PTPN9: variants seen among roughly 807,000 people sequenced by gnomAD.
PTPN9 encodes the protein tyrosine-protein phosphatase non-receptor type 9.
Under a neutral mutation model 69.8 loss-of-function variants are expected in PTPN9, and 26 were observed. The ratio of observed to expected loss-of-function variants is 0.37; its 90% CI spans 0.27 to 0.52. PTPN9 has a LOEUF of 0.52. PTPN9 is among the 20% of genes least tolerant of loss of function. The pLI, the probability that PTPN9 is intolerant of heterozygous loss-of-function variation, is 0.91. For synonymous variants in PTPN9, 274 were observed against 272.5 expected (o/e 1.01, Z -0.05); for missense variants, 549 against 740.3 (o/e 0.74, Z 3.00).
In PTPN9 at chr15:75,561,568, TAA is replaced by T. The variant is rs755796049; in HGVS notation, c.63+17144_63+17145del. On this transcript the variant is annotated intron_variant, in intron 1 of 12. Transcript: ENST00000618819. Reference sequence around the variant, plus strand: ...CTTGAGAGATTAAACTGTATATATATAAGACTGTGGCTCCAGCTGGAGTGCAG... The same window carrying T: ...CTTGAGAGATTAAACTGTATATATATGACTGTGGCTCCAGCTGGAGTGCAG... Among the ~76,000 whole-genome samples the T allele has an allele frequency of 4.6e-5, 7 of 152,240 alleles. No individual in the cohort carries two copies. In the East Asian group the frequency reaches 1.2e-3, roughly 25 times the overall value.
chr15:75,506,151 A>G lies in PTPN9; in HGVS notation c.640-148T>C, dbSNP rs1359458875. On this transcript the variant is annotated intron_variant, in intron 6 of 12. Coordinates refer to ENST00000618819, the MANE Select transcript of PTPN9 (RefSeq NM_002833.4). Reference sequence around the variant, plus strand: ...TATACTTGTAAAAGTAGTAGACTACATTTCATCTGCCTGAGATTTAAGTCC... The same window carrying G: ...TATACTTGTAAAAGTAGTAGACTACGTTTCATCTGCCTGAGATTTAAGTCC... 7.5e-6 allele frequency: 5 copies of G among 663,414 alleles called. No homozygotes were observed. In the East Asian group the frequency reaches 1.4e-4, roughly 18 times the overall value. 41.1% of individuals were successfully genotyped at this position (663,414 alleles called of 1,614,324 possible). A position where few individuals can be genotyped will look rare whatever the true frequency, so the allele number is the denominator to read the frequency against.
chr15:75,546,895 G>A (rs186729320), intron 1 of PTPN9, among the ~76,000 whole-genome samples: 219 of 152,156 alleles, frequency 1.4e-3, no homozygotes, highest in South Asian at 2.3e-3. Flanking sequence ...ACTAAGTGTT[G>A]TCAACAGGAG....
chr15:75,576,795 G>A (rs567669904), intron 1 of PTPN9, among the ~76,000 whole-genome samples: 2 of 151,904 alleles, frequency 1.3e-5, no homozygotes, highest in Non-Finnish European at 2.9e-5. Flanking sequence ...ATGACAGGGC[G>A]AGGCTCTGTC....
intron 1 of PTPN9, among the ~76,000 whole-genome samples, chr15:75,530,781 TATA>T (rs1471480916): frequency 1.1e-5 from 1 of 87,490 alleles, no homozygotes; most frequent in African/African-American, 4.7e-5. Flanking sequence ...ATTATTATAA[TATA>T]ATATATAATA....
intron 1 of PTPN9, among the ~76,000 whole-genome samples, chr15:75,545,038 A>T (rs756718604): frequency 2.6e-4 from 39 of 152,316 alleles, no homozygotes; most frequent in Non-Finnish European, 4.9e-4. Context: ...ACCAAACAGT[A>T]TTATAAAGCA....
At chr15:75,477,908 G>A (rs144390677) in intron 9 of PTPN9, among the ~76,000 whole-genome samples, 29 of 140,428 alleles carry the variant, frequency 2.1e-4, no homozygotes, top group Non-Finnish European at 3.5e-4. Flanking sequence ...TGGCGCAGTC[G>A]CAGTCCACTG....
At chr15:75,499,363 T>A (rs1482178962) in intron 7 of PTPN9, among the ~76,000 whole-genome samples, 3 of 150,800 alleles carry the variant, frequency 2.0e-5, no homozygotes, top group Non-Finnish European at 4.4e-5. Flanking sequence ...AAATGGTAGC[T>A]GGTTTGGATG....
Position 75,527,101 on chromosome 15 carries a change from A to G in PTPN9, c.207+17T>C. On this transcript the variant is annotated intron_variant, in intron 2 of 12. Transcript: ENST00000618819. ...AACCCAACTGCCACAGGTCTGGTCT[A>G]CCCCTGAGCCACATACTCTGTAGGA... The G allele has an allele frequency of 6.2e-7, 1 of 1,614,024 alleles. No homozygotes were observed. The highest frequency in any genetic ancestry group is 8.5e-7 in the Non-Finnish European group (1 of 1,179,984).
chr15:75,475,083 T>C (rs1389684840), intron 9 of PTPN9, among the ~76,000 whole-genome samples: 1 of 152,206 alleles, frequency 6.6e-6, no homozygotes, highest in Non-Finnish European at 1.5e-5. Flanking sequence ...AGGTTGACCA[T>C]TTAATTTATA....
chr15:75,516,084 T>C (rs2074868067), intron 5 of PTPN9, among the ~76,000 whole-genome samples: 1 of 152,044 alleles, frequency 6.6e-6, no homozygotes, highest in African/African-American at 2.4e-5. Flanking sequence ...AACACTCCCC[T>C]AGAGACCCTC....
chr15:75,517,064 G>A (rs551195819), intron 5 of PTPN9, among the ~76,000 whole-genome samples, 195 bp downstream of exon 5: 8 of 152,112 alleles, frequency 5.3e-5, no homozygotes, highest in East Asian at 1.9e-4. Context: ...TTTTTTACCC[G>A]AATTCCTCCC....
intron 8 of PTPN9, among the ~76,000 whole-genome samples, chr15:75,488,003 C>A (rs908250477): frequency 6.6e-6 from 1 of 152,104 alleles, no homozygotes; most frequent in Non-Finnish European, 1.5e-5. Flanking sequence ...TTTACTTTGC[C>A]GGCGCAGTGG....
intron 1 of PTPN9, among the ~76,000 whole-genome samples, chr15:75,532,122 G>C (rs1168779173): frequency 6.6e-6 from 1 of 151,906 alleles, no homozygotes; most frequent in African/African-American, 2.4e-5. Flanking sequence ...TTTTTGGCTG[G>C]GCACAGTGGC....
intron 1 of PTPN9, among the ~76,000 whole-genome samples, chr15:75,542,800 T>C (rs761406864): frequency 6.6e-6 from 1 of 152,194 alleles, no homozygotes. Context: ...AAGACAGCAT[T>C]AGTCACATAT....
intron 1 of PTPN9, among the ~76,000 whole-genome samples, chr15:75,577,452 G>A (rs142170207): frequency 2.0e-5 from 3 of 152,236 alleles, no homozygotes; most frequent in African/African-American, 7.2e-5. Context: ...GCAGTTACCA[G>A]GACATTCATT....
At chr15:75,509,829 C>T (rs1015903315) in intron 5 of PTPN9, among the ~76,000 whole-genome samples, 2 of 152,080 alleles carry the variant, frequency 1.3e-5, no homozygotes, top group East Asian at 1.9e-4. Context: ...ACTAAAAATA[C>T]AAAGATTAGC....
rs556634296 is a variant in PTPN9, at chr15:75,519,720, C to G, written c.423-2356G>C. ...CTCCTGACCTCAAGTGATCTGCCCC[C>G]CTCGGCCTCCCAAAGTGCTGGGATT... On this transcript the variant is annotated intron_variant, in intron 4 of 12. Transcript: ENST00000618819. Among the ~76,000 whole-genome samples, 14 of 152,000 alleles carry G rather than the reference C, an allele frequency of 9.2e-5. No individual in the cohort carries two copies. In the East Asian group the frequency reaches 2.5e-3, roughly 28 times the overall value.
intron 1 of PTPN9, among the ~76,000 whole-genome samples, chr15:75,574,190 C>A (rs915138676): frequency 4.0e-5 from 6 of 150,530 alleles, no homozygotes; most frequent in Non-Finnish European, 7.4e-5. Context: ...GAGGCTGAGG[C>A]AGGAGGACGG....
At chr15:75,569,830 A>AC (rs1014548100) in intron 1 of PTPN9, among the ~76,000 whole-genome samples, 5 of 149,920 alleles carry the variant, frequency 3.3e-5, no homozygotes, top group Non-Finnish European at 7.4e-5. Context: ...TGTGCTCAGA[A>AC]TTTTTTTTTT....
Sources: gnomAD v4.1 joint callset for allele counts (sites outside exome capture counted in the v4.1 genomes callset) on GRCh38, gnomAD v4.1.1 for gene constraint, MANE v1.5 for transcripts, NCBI Gene and HGNC (gene_info 2026-07-23, HGNC 2026-07-21) for gene names.